Variants in FHAD1 observed in about 807,000 individuals in gnomAD.
FHAD1 encodes the protein forkhead associated phosphopeptide binding domain 1.
A neutral mutation model predicts 191.3 loss-of-function variants in FHAD1; 146 were observed. The observed-to-expected ratio is 0.76, with a 90% CI of 0.67 to 0.88. The LOEUF (loss-of-function observed/expected upper bound fraction) is 0.88. Ranked by LOEUF, FHAD1 falls within the 40% of genes least tolerant of loss-of-function variation. The pLI, the probability that FHAD1 is intolerant of heterozygous loss-of-function variation, is 0.00. For missense variants in FHAD1, 1,635 were observed against 1,785.8 expected (o/e 0.92, Z 1.52); for synonymous variants, 616 against 672.3 (o/e 0.92, Z 1.29).
At chr1:15,365,695 C>T in intron 23 of FHAD1, 132 bp from the exon 24 acceptor site, 1 of 539,668 alleles carries the variant, frequency 1.9e-6, no homozygotes, top group Non-Finnish European at 3.4e-6. Flanking sequence ...CTGTCCTCAT[C>T]CTTTGCTGGG....
intron 18 of FHAD1, 126 bp downstream of exon 18, chr1:15,345,649 G>T (rs1688624676): frequency 6.5e-6 from 5 of 768,392 alleles, no homozygotes; most frequent in Non-Finnish European, 8.7e-6. Flanking sequence ...TTGCGTTTGG[G>T]TGGGCTCAGC....
chr1:15,301,486 C>T, intron 6 of FHAD1, 45 bp downstream of exon 6: 2 of 1,525,446 alleles, frequency 1.3e-6, no homozygotes, highest in South Asian at 2.4e-5. Flanking sequence ...AGGCCAAGGC[C>T]CGGGAGGCCC....
intron 19 of FHAD1, among the ~76,000 whole-genome samples, chr1:15,352,007 C>T (rs770616415): frequency 2.0e-5 from 3 of 152,096 alleles, no homozygotes; most frequent in Admixed American, 6.5e-5. Flanking sequence ...TGCCCTGTAA[C>T]GATTTTCATT....
intron 16 of FHAD1, among the ~76,000 whole-genome samples, chr1:15,342,726 C>T (rs904790634): frequency 2.2e-4 from 33 of 151,912 alleles, no homozygotes; most frequent in Non-Finnish European, 2.5e-4. Flanking sequence ...ATAGTGTGAC[C>T]ATAGCTCACC....
intron 2 of FHAD1, among the ~76,000 whole-genome samples, chr1:15,269,915 CTT>C (rs144971337): frequency 8.0e-4 from 98 of 123,042 alleles, no homozygotes; most frequent in African/African-American, 1.0e-3. Context: ...TTATGGCTCT[CTT>C]TTTTTTTTTT....
At chr1:15,390,594 G>A (rs954227237) in intron 32 of FHAD1, among the ~76,000 whole-genome samples, 6 of 152,218 alleles carry the variant, frequency 3.9e-5, no homozygotes, top group South Asian at 4.1e-4. Context: ...TGAGAGGGGG[G>A]CCCAGCTCCC....
At chr1:15,359,819 G>A (rs1041970831) in intron 21 of FHAD1, among the ~76,000 whole-genome samples, 2 of 152,148 alleles carry the variant, frequency 1.3e-5, no homozygotes, top group African/African-American at 2.4e-5. Flanking sequence ...GCGTGGTGGC[G>A]GGCGCCTGTA....
chr1:15,358,765 C>T (rs560480745), intron 21 of FHAD1, among the ~76,000 whole-genome samples: 18 of 152,066 alleles, frequency 1.2e-4, no homozygotes, highest in Admixed American at 9.2e-4. Context: ...AATTAGGGCT[C>T]GATGTGCATT....
chr1:15,376,341 C>T (rs1699654583), intron 28 of FHAD1, among the ~76,000 whole-genome samples: 2 of 152,168 alleles, frequency 1.3e-5, no homozygotes, highest in South Asian at 2.1e-4. Flanking sequence ...CCGCCCGCCT[C>T]GGCCTCCCAA....
At chr1:15,395,949 G>A (rs1002128044) in intron 33 of FHAD1, among the ~76,000 whole-genome samples, 1 of 152,150 alleles carries the variant, frequency 6.6e-6, no homozygotes, top group African/African-American at 2.4e-5. Flanking sequence ...GTCAGTAACA[G>A]CCTTTCAGGA....
At chr1:15,344,032 T>C (rs982779114) in intron 16 of FHAD1, among the ~76,000 whole-genome samples, 2 of 152,222 alleles carry the variant, frequency 1.3e-5, no homozygotes, top group Non-Finnish European at 2.9e-5. Flanking sequence ...TCAGCCCCTC[T>C]TTTAAACCTG....
chr1:15,360,822 TTC>T (rs1694549428), intron 22 of FHAD1, 119 bp downstream of exon 22: 1 of 795,006 alleles, frequency 1.3e-6, no homozygotes, highest in African/African-American at 1.7e-5. Context: ...AGCTCATTCA[TTC>T]TCTGAGGCCC....
intron 26 of FHAD1, among the ~76,000 whole-genome samples, chr1:15,373,981 C>T (rs1200455672): frequency 6.6e-6 from 1 of 152,230 alleles, no homozygotes; most frequent in Non-Finnish European, 1.5e-5. Context: ...AAAACATTCC[C>T]TTCACCACAG....
At chr1:15,283,234 G>A (rs555897816) in intron 3 of FHAD1, among the ~76,000 whole-genome samples, 1 of 152,298 alleles carries the variant, frequency 6.6e-6, no homozygotes, top group East Asian at 1.9e-4. Flanking sequence ...CACACTGGTG[G>A]GCGTGTCTTA....
rs1268102863 is a variant in FHAD1, at chr1:15,327,285, G to C, written c.1557+143G>C. ...CACTGTTGCTACACCATAAAGATTTGTTTTGATTTTATGGGATTTCCTGGC... is the reference window on the plus strand; with the variant it reads ...CACTGTTGCTACACCATAAAGATTTCTTTTGATTTTATGGGATTTCCTGGC... On this transcript the variant is annotated intron_variant, in intron 12 of 33. Transcript: ENST00000688493. The surrounding 1 kb of genome is among the most constrained non-coding windows in gnomAD (Gnocchi z 5.1). 5 of 573,190 alleles carry C rather than the reference G, an allele frequency of 8.7e-6. No homozygotes were observed. In the East Asian group the frequency reaches 1.2e-4, roughly 14 times the overall value. 35.5% of individuals were successfully genotyped at this position (573,190 alleles called of 1,614,324 possible).
rs770643908 is a variant in FHAD1 at position 15,374,566 on chromosome 1, G to C, written c.3512G>C (p.Arg1171Pro). 6.4e-7 allele frequency: 1 copy of C among 1,551,714 alleles called. No homozygotes were observed. Among genetic ancestry groups the C allele is most frequent in the Non-Finnish European group, 8.7e-7 (1 of 1,147,008 alleles). ...TCCCGGCACGAGGAGGTCATTCAGCGTCAGAAAAAGGCCTTATCTGAACTT... is the reference window on the plus strand; with the variant it reads ...TCCCGGCACGAGGAGGTCATTCAGCCTCAGAAAAAGGCCTTATCTGAACTT... The part of the protein sequence containing the change: ...KGSRHEEVIQ[R>P]QKKALSELRA... Residue 1171 changes from arginine to proline, a missense_variant, in exon 27 of 34, where the codon CGT (arginine) becomes CCT (proline). By Grantham distance (103) the Arg-to-Pro change is moderately radical. Coordinates refer to ENST00000688493, the MANE Select transcript of FHAD1 (RefSeq NM_001391957.1).
At chr1:15,324,677 C>T in intron 11 of FHAD1, 118 bp downstream of exon 11, 4 of 719,076 alleles carry the variant, frequency 5.6e-6, no homozygotes, top group Non-Finnish European at 9.9e-6. Context: ...TGCGTTAATT[C>T]TCCCATTTAT....
chr1:15,339,011 C>CTTTATT (rs912398784), intron 14 of FHAD1, among the ~76,000 whole-genome samples: 6 of 152,048 alleles, frequency 3.9e-5, no homozygotes, highest in African/African-American at 1.4e-4. Flanking sequence ...TTATCAACTA[C>CTTTATT]TTTATTTTTA....
upstream of FHAD1, among the ~76,000 whole-genome samples, chr1:15,243,725 C>A (rs1188357667): frequency 3.9e-5 from 6 of 152,244 alleles, no homozygotes; most frequent in African/African-American, 1.4e-4. Context: ...TGGGCTTATG[C>A]CCCCTTCACT....
Sources: gnomAD v4.1 joint callset for allele counts (sites outside exome capture counted in the v4.1 genomes callset) on GRCh38, gnomAD v4.1.1 for gene constraint, Gnocchi (gnomAD v3.1) non-coding constraint, MANE v1.5 for transcripts, NCBI Gene and HGNC (gene_info 2026-07-23, HGNC 2026-07-21) for gene names.